The following DAAM1 variants were observed in gnomAD, a reference collection of about 807,000 sequenced individuals.
DAAM1 encodes the protein dishevelled associated activator of morphogenesis 1, also known as disheveled-associated activator of morphogenesis 1.
A neutral mutation model predicts 130.0 loss-of-function variants in DAAM1; 52 were observed. The observed-to-expected ratio is 0.40, with a 90% CI of 0.32 to 0.50. The LOEUF (loss-of-function observed/expected upper bound fraction) is 0.50, where lower values mean the gene tolerates loss of function less well. Ranked by LOEUF, DAAM1 falls within the 20% of genes least tolerant of loss-of-function variation. The pLI, the probability that DAAM1 is intolerant of heterozygous loss-of-function variation, is 0.61. For synonymous variants in DAAM1, 452 were observed against 444.5 expected, an observed-to-expected ratio of 1.02 and a Z score of -0.21; for missense variants, 1,134 against 1,303.8, an observed-to-expected ratio of 0.87 and a Z score of 2.01.
intron 1 of DAAM1, among the ~76,000 whole-genome samples, chr14:59,233,835 A>G (rs1889196573): frequency 6.6e-6 from 1 of 152,198 alleles, no homozygotes; most frequent in African/African-American, 2.4e-5. Flanking sequence ...GTCCAGTTTC[A>G]GTTTTCTGCA....
Position 59,303,413 on chromosome 14 carries a change from G to T in DAAM1, c.274-11867G>T, listed in dbSNP as rs1204988033. The stretch of plus-strand genomic sequence containing the variant: ...CTGAGGGACATACAACACAGTAGTT[G>T]TGCTAGAGTGATGCATACCTTTTGT... On this transcript the variant is annotated intron_variant, in intron 3 of 24. Coordinates refer to ENST00000360909, the MANE Select transcript of DAAM1 (RefSeq NM_001270520.2). 2.6e-5 allele frequency among the ~76,000 whole-genome samples: 4 copies of T among 152,184 alleles called. No individual in the cohort carries two copies. In the East Asian group the frequency reaches 5.8e-4, roughly 22 times the overall value.
At chr14:59,368,576 G>A (rs1259180245) in intron 24 of DAAM1, 74 bp from the exon 25 acceptor site, 2 of 1,449,702 alleles carry the variant, frequency 1.4e-6, no homozygotes, top group African/African-American at 2.9e-5. Flanking sequence ...CATATTTCAA[G>A]GAATTGACCT....
rs544965403 is a variant in DAAM1 at position 59,363,025 on chromosome 14, A to G, written c.2695-626A>G. ...CTGGCAATGATTAAATTAACCATTA[A>G]CATTAGATTTGAATCATCTGCGTTC... On this transcript the variant is annotated intron_variant, in intron 22 of 24. Coordinates refer to ENST00000360909, the MANE Select transcript of DAAM1 (RefSeq NM_001270520.2). 2.0e-5 allele frequency: 3 copies of G among 152,532 alleles called. No homozygotes were observed. The South Asian group carries it at 6.2e-4, about 32-fold the overall frequency. The allele number at this position is 152,532 out of a possible 1,614,324, so 9.4% of individuals were successfully genotyped here.
At chr14:59,212,117 A>C (rs987047037) in intron 1 of DAAM1, among the ~76,000 whole-genome samples, 1 of 152,228 alleles carries the variant, frequency 6.6e-6, no homozygotes, top group African/African-American at 2.4e-5. Context: ...ATAGTTTCTA[A>C]GATAAAACAT....
At chr14:59,320,704 T>C (rs1486373772) in intron 5 of DAAM1, 120 bp downstream of exon 5, 2 of 624,320 alleles carry the variant, frequency 3.2e-6, no homozygotes, top group East Asian at 3.2e-5. Flanking sequence ...TAACATACTT[T>C]AATCATTAAC....
intron 1 of DAAM1, among the ~76,000 whole-genome samples, chr14:59,189,745 C>T (rs1468204296): frequency 2.6e-5 from 4 of 152,196 alleles, no homozygotes; most frequent in African/African-American, 9.7e-5. Flanking sequence ...CCAGAGCTCT[C>T]AGTCCTCTGG....
intron 1 of DAAM1, 128 bp downstream of exon 1, chr14:59,188,896 G>T (rs1320927526): frequency 6.5e-6 from 1 of 153,200 alleles, no homozygotes; most frequent in Non-Finnish European, 1.5e-5. Context: ...CTGCCTCCCC[G>T]GAGCTCCCGG....
intron 1 of DAAM1, among the ~76,000 whole-genome samples, chr14:59,248,092 G>A (rs1218987790): frequency 6.6e-6 from 1 of 152,166 alleles, no homozygotes; most frequent in Non-Finnish European, 1.5e-5. Flanking sequence ...TAAGTGAGTA[G>A]GAGTAATAAT....
At chr14:59,307,268 T>G (rs550699211) in intron 3 of DAAM1, among the ~76,000 whole-genome samples, 35 of 152,342 alleles carry the variant, frequency 2.3e-4, no homozygotes, top group African/African-American at 8.2e-4. Context: ...GCAAATTGAG[T>G]CTGATACAAT....
At chr14:59,335,405 C>T (rs1885587763) in intron 15 of DAAM1, among the ~76,000 whole-genome samples, 1 of 152,190 alleles carries the variant, frequency 6.6e-6, no homozygotes, top group Non-Finnish European at 1.5e-5. Context: ...CTACATTATA[C>T]ATGATTTCCA....
chr14:59,305,054 T>TGGTAGCAAGATGTGA (rs1464706101), intron 3 of DAAM1, among the ~76,000 whole-genome samples: 1 of 152,182 alleles, frequency 6.6e-6, no homozygotes, highest in Non-Finnish European at 1.5e-5. Flanking sequence ...GCTACAAATG[T>TGGTAGCAAGATGTGA]GGTAGCAAGA....
intron 1 of DAAM1, among the ~76,000 whole-genome samples, chr14:59,200,581 AT>A (rs549775074): frequency 1.4e-3 from 207 of 152,338 alleles, no homozygotes; most frequent in Non-Finnish European, 2.5e-3. Flanking sequence ...CAAAATGAAA[AT>A]GTTATAAGGT....
chr14:59,329,377 G>A (rs1885333152), intron 12 of DAAM1, among the ~76,000 whole-genome samples: 1 of 152,174 alleles, frequency 6.6e-6, no homozygotes, highest in African/African-American at 2.4e-5. Context: ...GGAGAAGTTA[G>A]GGAGGCAACA....
rs1204243360 is a variant in DAAM1 at position 59,263,649 on chromosome 14, A to G, written c.172A>G (p.Ser58Gly). 3.7e-6 allele frequency: 6 copies of G among 1,614,094 alleles called. No individual in the cohort carries two copies. In the African/African-American group the frequency reaches 8.0e-5, roughly 22 times the overall value. ...TGTGGAGGAGCTGGATGTCATGTTC[A>G]GTGAACTGGTGGTGAGTCCCAGTTT... is the stretch of plus-strand genomic sequence containing the variant. ...PPVEELDVMF[S>G]ELVDELDLTD... The change falls in exon 2 of 25, where the codon AGT becomes GGT. Residue 58 changes from serine to glycine, a missense_variant. Physicochemically the swap from Ser to Gly is moderately conservative, Grantham distance 56 (BLOSUM62 0). Coordinates refer to ENST00000360909, the MANE Select transcript of DAAM1 (RefSeq NM_001270520.2).
At chr14:59,313,692 A>G (rs988076929) in intron 3 of DAAM1, among the ~76,000 whole-genome samples, 1 of 152,246 alleles carries the variant, frequency 6.6e-6, no homozygotes, top group Non-Finnish European at 1.5e-5. Context: ...CTTGTTAAAT[A>G]CATTGGTAAG....
intron 15 of DAAM1, among the ~76,000 whole-genome samples, chr14:59,335,125 A>G (rs906958095): frequency 6.6e-5 from 10 of 152,200 alleles, no homozygotes; most frequent in Non-Finnish European, 1.3e-4. Flanking sequence ...ATAATTCCCA[A>G]TTTCACTTTG....
intron 1 of DAAM1, among the ~76,000 whole-genome samples, chr14:59,195,700 T>C (rs1489541235): frequency 6.6e-6 from 1 of 152,178 alleles, no homozygotes; most frequent in Non-Finnish European, 1.5e-5. Flanking sequence ...GATCCTAGCT[T>C]TGGGCATTGT....
chr14:59,305,087 A>T (rs188941504), intron 3 of DAAM1, among the ~76,000 whole-genome samples: 16 of 152,336 alleles, frequency 1.1e-4, no homozygotes, highest in African/African-American at 3.6e-4. Context: ...AAGGCCATTG[A>T]CACCACTGAT....
At position 59,340,106 on chromosome 14, in the gene DAAM1, T is replaced by C; in HGVS notation, c.2001T>C (p.Ser667=). 1 of 1,613,680 alleles carries C rather than the reference T, an allele frequency of 6.2e-7. No homozygotes were observed. The highest frequency in any genetic ancestry group is 8.5e-7 in the Non-Finnish European group (1 of 1,179,708). Residue 667 remains serine (S), a synonymous_variant, in exon 16 of 25, where the codon AGT becomes AGC. Transcript: ENST00000360909. The part of the protein sequence containing the change: ...KEADAIDDTL[S]SKLKVKELSV... ...CAGATGCCATTGATGACACTCTGAG[T>C]TCCAAACTTAAAGTTAAAGAGCTTT...
Sources: allele counts gnomAD v4.1 joint callset (sites outside exome capture counted in the v4.1 genomes callset), GRCh38; gene constraint gnomAD v4.1.1; transcripts MANE v1.5; gene names NCBI Gene and HGNC (gene_info 2026-07-23, HGNC 2026-07-21).